The following SIMC1 variants were observed in gnomAD, a reference collection of about 807,000 sequenced individuals.
SIMC1 encodes SUMO-interacting motif-containing protein 1.
A neutral mutation model predicts 82.3 loss-of-function variants in SIMC1; 55 were observed. The ratio of observed to expected loss-of-function variants is 0.67; its 90% confidence interval spans 0.54 to 0.84. The LOEUF is 0.84. Among genes scored for constraint, SIMC1 ranks in the 40% least tolerant of loss-of-function variants. The pLI is 0.00. For missense variants in SIMC1, 915 were observed against 1,107.2 expected (o/e 0.83, Z 2.46); for synonymous variants, 353 against 426.3 (o/e 0.83, Z 2.12).
chr5:176,337,300 C>G (rs1765945013), intron 9 of SIMC1, among the ~76,000 whole-genome samples, 154 bp downstream of exon 9: 1 of 152,168 alleles, frequency 6.6e-6, no homozygotes, highest in African/African-American at 2.4e-5. Context: ...CCGGAGTCAC[C>G]ACTGTGAAAA....
chr5:176,333,315 G>A (rs967093178), intron 7 of SIMC1, among the ~76,000 whole-genome samples: 1 of 151,928 alleles, frequency 6.6e-6, no homozygotes, highest in African/African-American at 2.4e-5. Flanking sequence ...AACATAAAAA[G>A]AAAAAGAAAA....
At chr5:176,241,991 G>T (rs562796910) in intron 1 of SIMC1, among the ~76,000 whole-genome samples, 1 of 152,064 alleles carries the variant, frequency 6.6e-6, no homozygotes, top group African/African-American at 2.4e-5. Flanking sequence ...ACTTTGTATG[G>T]GTTTCATGGT....
intron 4 of SIMC1, among the ~76,000 whole-genome samples, chr5:176,304,656 G>A (rs1173073529): frequency 2.7e-5 from 4 of 146,814 alleles, no homozygotes; most frequent in Non-Finnish European, 6.1e-5. Flanking sequence ...CCATCGTCTG[G>A]GATGTGAGGA....
At chr5:176,325,908 T>G (rs1765375340) in intron 7 of SIMC1, among the ~76,000 whole-genome samples, 2 of 152,124 alleles carry the variant, frequency 1.3e-5, no homozygotes, top group African/African-American at 4.8e-5. Context: ...CCCCAGATAG[T>G]AAGAATTAGG....
intron 1 of SIMC1, among the ~76,000 whole-genome samples, chr5:176,250,652 G>A (rs1213789969): frequency 1.3e-5 from 2 of 152,154 alleles, no homozygotes; most frequent in Non-Finnish European, 2.9e-5. Context: ...CTCCTGTATT[G>A]GGTGCATATA....
chr5:176,290,074 T>C lies in SIMC1; in HGVS notation c.550T>C (p.Ser184Pro). ...ASLQLSSDVS[S>P]LSPTSNNSRS... Reference sequence around the variant, plus strand: ...TCTACAGCTGTCTTCAGATGTTAGCTCCCTCTCCCCAACAAGCAATAATAG... The same window carrying C: ...TCTACAGCTGTCTTCAGATGTTAGCCCCCTCTCCCCAACAAGCAATAATAG... The change falls in exon 2 of 10, where the codon TCC (serine) becomes CCC (proline). Residue 184 changes from serine (S) to proline (P), a missense_variant. Transcript: ENST00000429602. The C allele has an allele frequency of 9.9e-6, 16 of 1,608,330 alleles. No individual in the cohort carries two copies. The highest frequency in any genetic ancestry group is 1.4e-5 in the Non-Finnish European group (16 of 1,177,352).
intron 1 of SIMC1, among the ~76,000 whole-genome samples, chr5:176,285,182 C>A (rs1167526305): frequency 1.3e-5 from 2 of 151,880 alleles, no homozygotes; most frequent in Non-Finnish European, 2.9e-5. Flanking sequence ...GAGACACAAC[C>A]AAAAAAGAGA....
chr5:176,272,612 G>A (rs753178811), intron 1 of SIMC1, among the ~76,000 whole-genome samples: 3 of 152,140 alleles, frequency 2.0e-5, no homozygotes, highest in Admixed American at 6.5e-5. Flanking sequence ...GCAGCCCACC[G>A]AGCAAGAGCT....
chr5:176,295,227 A>G lies in SIMC1; in HGVS notation c.1629A>G (p.Leu543=), dbSNP rs1310268854. The G allele has an allele frequency of 1.2e-6, 2 of 1,613,186 alleles. No homozygotes were observed. Among genetic ancestry groups the G allele is most frequent in the Non-Finnish European group, 1.7e-6 (2 of 1,179,530 alleles). The change falls in exon 3 of 10, where the codon CTA becomes CTG. Residue 543 remains leucine (L), a synonymous_variant. Coordinates refer to ENST00000429602, the MANE Select transcript of SIMC1 (RefSeq NM_001308195.2). ...LLSGSETVDV[L]KEAYMLLMKI... ...GTGGCTCTGAGACTGTGGATGTCCTAAAGGAGGCCTACATGCTTCTCATGA... is the reference window on the plus strand; with the variant it reads ...GTGGCTCTGAGACTGTGGATGTCCTGAAGGAGGCCTACATGCTTCTCATGA...
chr5:176,322,599 A>G (rs531410608), intron 6 of SIMC1, 174 bp downstream of exon 6: 1 of 805,468 alleles, frequency 1.2e-6, no homozygotes, highest in African/African-American at 1.7e-5. Context: ...CAAAGGCAGA[A>G]CAAAACCAGG....
intron 9 of SIMC1, among the ~76,000 whole-genome samples, 158 bp from the exon 10 acceptor site, chr5:176,345,024 TG>T (rs1440688513): frequency 6.6e-6 from 1 of 152,114 alleles, no homozygotes. Flanking sequence ...AAGGGCCTTT[TG>T]GAAGTGGAGT....
chr5:176,309,688 C>T (rs888869864), intron 4 of SIMC1, among the ~76,000 whole-genome samples: 3 of 152,252 alleles, frequency 2.0e-5, no homozygotes, highest in Non-Finnish European at 2.9e-5. Context: ...GTAATCTCAC[C>T]ACTTTGGGAG....
rs149996490 is a variant in SIMC1 at position 176,328,711 on chromosome 5, C to A, written c.2171+3954C>A. ...TGGAATACAAACAGAAACAAGTTAA[C>A]CTAACTGTATTTTAATAAAATAAAG... is the stretch of plus-strand genomic sequence containing the variant. On this transcript the variant is annotated intron_variant, in intron 7 of 9. Coordinates refer to ENST00000429602, the MANE Select transcript of SIMC1 (RefSeq NM_001308195.2). Among the ~76,000 whole-genome samples, 378 of 152,118 alleles carry A rather than the reference C, an allele frequency of 2.5e-3. 2 individuals are homozygous for A. The highest frequency in any genetic ancestry group is 8.6e-3 in the African/African-American group (357 of 41,504).
intron 4 of SIMC1, 183 bp from the exon 5 acceptor site, chr5:176,313,508 C>T (rs1764760518): frequency 1.3e-6 from 2 of 1,549,618 alleles, no homozygotes; most frequent in African/African-American, 2.7e-5. Context: ...CAGCAGTCAC[C>T]CTATTTGTCC....
intron 7 of SIMC1, among the ~76,000 whole-genome samples, chr5:176,332,034 A>G (rs571631003): frequency 6.6e-6 from 1 of 152,214 alleles, no homozygotes; most frequent in Non-Finnish European, 1.5e-5. Context: ...AATTGTCAAT[A>G]CAAAAAGATA....
chr5:176,266,109 G>T (rs1017653933), intron 1 of SIMC1, among the ~76,000 whole-genome samples: 1 of 152,022 alleles, frequency 6.6e-6, no homozygotes, highest in African/African-American at 2.4e-5. Flanking sequence ...CTCTCTGAGG[G>T]CCCGGTGAGA....
chr5:176,325,368 AGAGT>A (rs1021548629), intron 7 of SIMC1, among the ~76,000 whole-genome samples: 1 of 152,030 alleles, frequency 6.6e-6, no homozygotes, highest in Non-Finnish European at 1.5e-5. Flanking sequence ...CCTGGGTGAC[AGAGT>A]GAGACTCCAT....
chr5:176,312,650 T>C (rs1366115417), intron 4 of SIMC1, among the ~76,000 whole-genome samples: 3 of 152,026 alleles, frequency 2.0e-5, no homozygotes, highest in Non-Finnish European at 2.9e-5. Flanking sequence ...GACAAAGATA[T>C]TGTCACCTCC....
intron 5 of SIMC1, among the ~76,000 whole-genome samples, chr5:176,318,750 A>G (rs1765024301): frequency 6.6e-6 from 1 of 152,218 alleles, no homozygotes; most frequent in South Asian, 2.1e-4. Flanking sequence ...CTTAGAAATA[A>G]CTTTTCTACA....
Sources: allele counts gnomAD v4.1 joint callset (sites outside exome capture counted in the v4.1 genomes callset), GRCh38; gene constraint gnomAD v4.1.1; transcripts MANE v1.5; gene names NCBI Gene and HGNC (gene_info 2026-07-23, HGNC 2026-07-21).